GAP43: variants seen among roughly 807,000 people sequenced by gnomAD.
The protein encoded by GAP43 is neuromodulin.
GAP43 carries 6 observed loss-of-function variants against 18.6 expected under a neutral mutation model. That is an observed-to-expected ratio of 0.32 (90% CI 0.18 to 0.64). The LOEUF is 0.64. Among genes scored for constraint, GAP43 ranks in the 30% least tolerant of loss-of-function variants. The pLI, the probability that GAP43 is intolerant of heterozygous loss-of-function variation, is 0.78. For synonymous variants in GAP43, 115 were observed against 111.4 expected, an observed-to-expected ratio of 1.03 and a Z score of -0.20; for missense variants, 292 against 295.5, an observed-to-expected ratio of 0.99 and a Z score of 0.09.
At chr3:115,647,753 A>G (rs1483685502) in intron 1 of GAP43, among the ~76,000 whole-genome samples, 1 of 86,002 alleles carries the variant, frequency 1.2e-5, no homozygotes, top group African/African-American at 3.5e-5. Flanking sequence ...AACAAAACAA[A>G]AAAACAAAAA....
At chr3:115,668,395 T>G (rs1301839142) in intron 1 of GAP43, among the ~76,000 whole-genome samples, 1 of 152,130 alleles carries the variant, frequency 6.6e-6, no homozygotes, top group East Asian at 1.9e-4. Flanking sequence ...GCAGAGATTC[T>G]CCAGCAATCT....
chr3:115,643,413 G>A (rs1340160409), intron 1 of GAP43, among the ~76,000 whole-genome samples: 2 of 151,948 alleles, frequency 1.3e-5, no homozygotes, highest in Non-Finnish European at 2.9e-5. Context: ...AATACTGTGA[G>A]CTCTCTGATA....
At chr3:115,664,846 T>C (rs893291650) in intron 1 of GAP43, among the ~76,000 whole-genome samples, 1 of 152,182 alleles carries the variant, frequency 6.6e-6, no homozygotes, top group South Asian at 2.1e-4. Context: ...CTATGCATGC[T>C]CAAACCACAT....
At chr3:115,648,327 T>C (rs1178349356) in intron 1 of GAP43, among the ~76,000 whole-genome samples, 2 of 152,104 alleles carry the variant, frequency 1.3e-5, no homozygotes, top group Non-Finnish European at 2.9e-5. Flanking sequence ...CTCTGTCCAC[T>C]GGGCTCTTTG....
intron 1 of GAP43, among the ~76,000 whole-genome samples, chr3:115,625,051 G>C (rs76920164): frequency 2.0e-5 from 3 of 151,898 alleles, no homozygotes; most frequent in Non-Finnish European, 2.9e-5. Context: ...GAATCCGAAG[G>C]GGGTGGAAGA....
intron 2 of GAP43, among the ~76,000 whole-genome samples, chr3:115,708,596 C>T (rs1559807066): frequency 6.6e-6 from 1 of 152,200 alleles, no homozygotes; most frequent in African/African-American, 2.4e-5. Flanking sequence ...CCTGATCCAA[C>T]AGAGAGCTCT....
Position 115,649,085 on chromosome 3 carries a change from C to CA in GAP43, c.30+25375dup, listed in dbSNP as rs200064263. Among the ~76,000 whole-genome samples, 688 of 151,184 alleles carry CA rather than the reference C, an allele frequency of 4.6e-3. 4 individuals carry two copies. The highest frequency in any genetic ancestry group is 0.016 in the African/African-American group (659 of 41,242). On this transcript the variant is annotated intron_variant, in intron 1 of 2. Transcript: ENST00000305124. ...TCCTCTCAGTCAATTCCTGCTACTA[C>CA]AAAAAAAAATCACAGATTGGTTATT...
chr3:115,690,260 A>G (rs992105362), intron 2 of GAP43, among the ~76,000 whole-genome samples: 1 of 119,092 alleles, frequency 8.4e-6, no homozygotes, highest in African/African-American at 3.3e-5. Flanking sequence ...GCCCTTCTGC[A>G]GCATCAGTCC....
intron 2 of GAP43, among the ~76,000 whole-genome samples, chr3:115,692,322 A>G (rs1271596127): frequency 1.3e-5 from 2 of 152,236 alleles, no homozygotes; most frequent in Non-Finnish European, 2.9e-5. Context: ...ACTGTATTCT[A>G]CTGTCATTCA....
chr3:115,641,855 G>A (rs1007982790), intron 1 of GAP43, among the ~76,000 whole-genome samples: 1 of 152,040 alleles, frequency 6.6e-6, no homozygotes, highest in African/African-American at 2.4e-5. Context: ...ATCCAAGAAT[G>A]TAAAACAGAT....
intron 1 of GAP43, among the ~76,000 whole-genome samples, chr3:115,643,469 T>C (rs1275758583): frequency 6.6e-6 from 1 of 152,104 alleles, no homozygotes; most frequent in East Asian, 1.9e-4. Context: ...TGAAAAATCT[T>C]ACTGATGTAA....
intron 1 of GAP43, among the ~76,000 whole-genome samples, chr3:115,653,199 G>A (rs1432319414): frequency 6.6e-6 from 1 of 152,142 alleles, no homozygotes; most frequent in East Asian, 1.9e-4. Context: ...CAGCACTTTG[G>A]GAGGCTGAGG....
chr3:115,665,684 G>C (rs752999937), intron 1 of GAP43, among the ~76,000 whole-genome samples: 1 of 152,050 alleles, frequency 6.6e-6, no homozygotes, highest in Non-Finnish European at 1.5e-5. Flanking sequence ...GACACGTATT[G>C]TGTATCCTTA....
At chr3:115,629,060 C>A (rs1383739974) in intron 1 of GAP43, among the ~76,000 whole-genome samples, 1 of 152,144 alleles carries the variant, frequency 6.6e-6, no homozygotes, top group Non-Finnish European at 1.5e-5. Context: ...TGAGAGTAAT[C>A]CTGAATGTAT....
chr3:115,670,428 T>G (rs892523858), intron 1 of GAP43, among the ~76,000 whole-genome samples: 2 of 152,168 alleles, frequency 1.3e-5, no homozygotes, highest in Admixed American at 6.5e-5. Flanking sequence ...AAAGGACACT[T>G]TCTTCCTTAC....
chr3:115,698,103 TATAAA>T (rs1401855886), intron 2 of GAP43, among the ~76,000 whole-genome samples: 15 of 40,980 alleles, frequency 3.7e-4, no homozygotes, highest in African/African-American at 9.6e-4. Context: ...ATATATAATA[TATAAA>T]ATATATAATA....
At chr3:115,689,144 A>G (rs1262522399) in intron 2 of GAP43, among the ~76,000 whole-genome samples, 3 of 152,188 alleles carry the variant, frequency 2.0e-5, no homozygotes, top group Admixed American at 2.0e-4. Context: ...CCTTACTCAG[A>G]CAAGTCTTCC....
At chr3:115,636,491 C>G (rs981119086) in intron 1 of GAP43, among the ~76,000 whole-genome samples, 1 of 152,224 alleles carries the variant, frequency 6.6e-6, no homozygotes, top group South Asian at 2.1e-4. Flanking sequence ...GTTAATCCCT[C>G]TCTTGTGCAT....
chr3:115,659,932 A>T (rs1299033282), intron 1 of GAP43, among the ~76,000 whole-genome samples: 2 of 152,194 alleles, frequency 1.3e-5, no homozygotes, highest in African/African-American at 2.4e-5. Context: ...AGTGAGTTCC[A>T]TTCAGATTTT....
Sources: gnomAD v4.1 joint callset for allele counts (sites outside exome capture counted in the v4.1 genomes callset) on GRCh38, gnomAD v4.1.1 for gene constraint, MANE v1.5 for transcripts, NCBI Gene and HGNC (gene_info 2026-07-23, HGNC 2026-07-21) for gene names.